ADAM19: variants seen among roughly 807,000 people sequenced by gnomAD.
ADAM19 encodes ADAM metallopeptidase domain 19.
A neutral mutation model predicts 114.7 loss-of-function variants in ADAM19; 65 were observed. The ratio of observed to expected loss-of-function variants is 0.57; its 90% CI spans 0.46 to 0.70. The LOEUF is 0.70. ADAM19 is among the 30% of genes least tolerant of loss of function. The probability of loss-of-function intolerance (pLI) is 0.00; values close to 1 mark genes in which losing one functional copy is unlikely to be tolerated. For missense variants in ADAM19, 1,063 were observed against 1,204.7 expected (o/e 0.88, Z 1.74); for synonymous variants, 466 against 460.5 (o/e 1.01, Z -0.15).
chr5:157,483,218 T>G (rs889353813), intron 21 of ADAM19, among the ~76,000 whole-genome samples: 1 of 151,992 alleles, frequency 6.6e-6, no homozygotes, highest in African/African-American at 2.4e-5. Context: ...ATAAAAAAAA[T>G]TACAAATAAC....
chr5:157,536,547 G>A (rs1225421804), intron 4 of ADAM19, among the ~76,000 whole-genome samples: 2 of 152,128 alleles, frequency 1.3e-5, no homozygotes, highest in African/African-American at 4.8e-5. Flanking sequence ...AGAATTGCCT[G>A]AACCCAAGAG....
chr5:157,499,562 G>A lies in ADAM19; in HGVS notation c.1398+11C>T, dbSNP rs1400587997. 6.2e-7 allele frequency: 1 copy of A among 1,610,522 alleles called. No homozygotes were observed. The highest frequency in any genetic ancestry group is 8.5e-7 in the Non-Finnish European group (1 of 1,177,886). Reference sequence around the variant, plus strand: ...GCCAGGGCCCAAGGCGTGGAGAAAAGGGCCACTTACCTTACACTGGTGGCA... The same window carrying A: ...GCCAGGGCCCAAGGCGTGGAGAAAAAGGCCACTTACCTTACACTGGTGGCA... On this transcript the variant is annotated intron_variant, in intron 13 of 22. Transcript: ENST00000257527.
chr5:157,508,406 C>T (rs1755812593), intron 9 of ADAM19, among the ~76,000 whole-genome samples: 2 of 152,130 alleles, frequency 1.3e-5, no homozygotes, highest in Admixed American at 6.5e-5. Flanking sequence ...GCCAGGAGTT[C>T]AAGACCAGCT....
intron 2 of ADAM19, chr5:157,569,058 T>C (rs1757748721): frequency 6.6e-6 from 1 of 152,152 alleles, no homozygotes; most frequent in Non-Finnish European, 1.5e-5. Context: ...GGGGTATGAA[T>C]AGGTTGCAAT....
At chr5:157,484,137 C>A (rs1754851677) in intron 21 of ADAM19, among the ~76,000 whole-genome samples, 1 of 152,136 alleles carries the variant, frequency 6.6e-6, no homozygotes. Flanking sequence ...GCCCTGACTA[C>A]CTTATTTAAA....
At chr5:157,536,813 T>A (rs990974833) in intron 4 of ADAM19, among the ~76,000 whole-genome samples, 2 of 152,200 alleles carry the variant, frequency 1.3e-5, no homozygotes, top group Admixed American at 6.5e-5. Context: ...GAGAAGCTGC[T>A]GAAGGAGTCC....
chr5:157,550,038 A>G (rs1195110003), intron 3 of ADAM19, among the ~76,000 whole-genome samples: 1 of 152,230 alleles, frequency 6.6e-6, no homozygotes, highest in Non-Finnish European at 1.5e-5. Context: ...AACATCCAGA[A>G]TAAGTAAATC....
chr5:157,489,492 A>G (rs546525027), intron 19 of ADAM19, among the ~76,000 whole-genome samples: 7 of 152,270 alleles, frequency 4.6e-5, no homozygotes, highest in African/African-American at 1.4e-4. Context: ...CCATCAACCA[A>G]TCCCCATCAG....
intron 4 of ADAM19, among the ~76,000 whole-genome samples, chr5:157,535,180 GTTGT>G (rs1373670764): frequency 1.6e-4 from 25 of 152,346 alleles, no homozygotes; most frequent in African/African-American, 5.5e-4. Context: ...GGTCAAGGGG[GTTGT>G]TTAAGGTCAT....
intron 19 of ADAM19, 127 bp downstream of exon 19, chr5:157,490,183 G>A: frequency 1.0e-6 from 1 of 1,001,622 alleles, no homozygotes; most frequent in Non-Finnish European, 1.5e-6. Flanking sequence ...GGAGAGGGCA[G>A]CATGTATCTT....
intron 13 of ADAM19, among the ~76,000 whole-genome samples, chr5:157,497,452 T>C (rs752167215): frequency 6.6e-6 from 1 of 152,186 alleles, no homozygotes; most frequent in Non-Finnish European, 1.5e-5. Context: ...TTAGTTTTCA[T>C]GACAGTCCTG....
At chr5:157,528,380 C>T (rs1397380470) in intron 5 of ADAM19, among the ~76,000 whole-genome samples, 1 of 152,226 alleles carries the variant, frequency 6.6e-6, no homozygotes, top group Non-Finnish European at 1.5e-5. Context: ...TCCCACTGCT[C>T]CAGACTGAGG....
intron 12 of ADAM19, among the ~76,000 whole-genome samples, chr5:157,500,455 T>TA (rs1454260470): frequency 6.6e-6 from 1 of 152,224 alleles, no homozygotes; most frequent in African/African-American, 2.4e-5. Context: ...TGTAGTCTTC[T>TA]AAAATGGACT....
At chr5:157,571,200 C>G (rs188201706) in intron 1 of ADAM19, among the ~76,000 whole-genome samples, 8 of 152,250 alleles carry the variant, frequency 5.3e-5, no homozygotes, top group African/African-American at 1.7e-4. Flanking sequence ...GGGAGACAGA[C>G]AATGAACAAA....
At chr5:157,560,221 C>T (rs1346082806) in intron 3 of ADAM19, among the ~76,000 whole-genome samples, 2 of 143,082 alleles carry the variant, frequency 1.4e-5, no homozygotes, top group Admixed American at 7.1e-5. Context: ...GCCGAGATCC[C>T]GCCACTGCAC....
At chr5:157,514,668 GTTCCAT>G (rs111925025) in intron 7 of ADAM19, among the ~76,000 whole-genome samples, 48 of 152,090 alleles carry the variant, frequency 3.2e-4, no homozygotes, top group African/African-American at 1.1e-3. Context: ...AGAAAGCTGT[GTTCCAT>G]TAGAAATATC....
intron 16 of ADAM19, 67 bp from the exon 17 acceptor site, chr5:157,491,979 G>C: frequency 6.5e-7 from 1 of 1,532,536 alleles, no homozygotes; most frequent in Non-Finnish European, 9.0e-7. Context: ...TAGGAGGCAA[G>C]ATTTTGCACT....
Position 157,478,780 on chromosome 5 carries a change from AAAGC to A in ADAM19, c.*2165_*2168del. ...AAAATAATAAAACAAAACAAAACAA[AAAGC>A]AAGAAAACGACAACCCAGGTCTCTT... On this transcript the variant is annotated 3_prime_UTR_variant, in exon 23 of 23. Transcript: ENST00000257527. The A allele has an allele frequency of 3.0e-6, 3 of 985,868 alleles. No individual in the cohort carries two copies. Among genetic ancestry groups the A allele is most frequent in the Non-Finnish European group, 3.6e-6 (3 of 829,934 alleles). 61.1% of individuals were successfully genotyped at this position (985,868 alleles called of 1,614,324 possible).
intron 3 of ADAM19, among the ~76,000 whole-genome samples, chr5:157,564,036 G>T (rs1757585148): frequency 6.6e-6 from 1 of 152,134 alleles, no homozygotes; most frequent in Non-Finnish European, 1.5e-5. Context: ...CACACACTAG[G>T]CTGGCGCTAG....
Sources: gnomAD v4.1 joint callset for allele counts (sites outside exome capture counted in the v4.1 genomes callset) on GRCh38, gnomAD v4.1.1 for gene constraint, MANE v1.5 for transcripts, NCBI Gene and HGNC (gene_info 2026-07-23, HGNC 2026-07-21) for gene names.